The following ZNF385D variants were observed in gnomAD, a reference collection of about 807,000 sequenced individuals.
ZNF385D encodes the protein zinc finger protein 385D, also known as zinc finger protein 659.
In ZNF385D, 15 loss-of-function variants were observed where a neutral mutation model predicts 35.8. That is an observed-to-expected ratio of 0.42 (90% CI 0.28 to 0.64). The LOEUF (loss-of-function observed/expected upper bound fraction) is 0.64, where lower values mean the gene tolerates loss of function less well. Ranked by LOEUF, ZNF385D falls within the 30% of genes least tolerant of loss-of-function variation. ZNF385D has a pLI of 0.23. For synonymous variants in ZNF385D, 212 were observed against 186.8 expected (o/e 1.13, Z -1.10); for missense variants, 474 against 494.6 (o/e 0.96, Z 0.39).
At chr3:21,825,589 G>A (rs1385416566) in intron 3 of ZNF385D, among the ~76,000 whole-genome samples, 2 of 152,074 alleles carry the variant, frequency 1.3e-5, no homozygotes, top group Non-Finnish European at 2.9e-5. Flanking sequence ...CATTTCATTG[G>A]CATTGTCTTT....
chr3:22,258,365 C>T (rs1700422865), intron 2 of ZNF385D, among the ~76,000 whole-genome samples: 2 of 151,742 alleles, frequency 1.3e-5, no homozygotes, highest in South Asian at 2.1e-4. Context: ...ACAGTTTTCT[C>T]AAGGCAGGAT....
In ZNF385D at chr3:21,925,139, T is replaced by C. The variant is rs115158360; in HGVS notation, c.325+243678A>G. 6.4e-3 allele frequency among the ~76,000 whole-genome samples: 975 copies of C among 152,316 alleles called. 9 individuals carry two copies. The highest frequency in any genetic ancestry group is 0.022 in the African/African-American group (919 of 41,562). On this transcript the variant is annotated intron_variant, in intron 3 of 5. Transcript: ENST00000494108. ...AATCTTAGCAAGACTTTTATAGGTA[T>C]ACATACAATTATTTTGAAATATATA...
intron 1 of ZNF385D, among the ~76,000 whole-genome samples, chr3:21,711,136 T>G (rs1040664818): frequency 2.9e-5 from 4 of 138,580 alleles, no homozygotes; most frequent in East Asian, 2.4e-4. Flanking sequence ...CCGCCTCCCG[T>G]GTTCACGCCA....
chr3:22,206,111 T>C (rs1322824195), intron 2 of ZNF385D, among the ~76,000 whole-genome samples: 3 of 151,558 alleles, frequency 2.0e-5, no homozygotes, highest in Non-Finnish European at 4.4e-5. Flanking sequence ...ATGGTAACCA[T>C]AAAAAGGCAG....
chr3:21,961,398 CTTT>C (rs756536059), intron 3 of ZNF385D: 18 of 151,942 alleles, frequency 1.2e-4, no homozygotes, highest in Non-Finnish European at 2.4e-4. Context: ...ATTCTTTTCT[CTTT>C]TTGATTGTCA....
intron 2 of ZNF385D, among the ~76,000 whole-genome samples, chr3:21,606,891 C>T (rs6783237): frequency 0.18 from 26,936 of 151,842 alleles, 3,144 homozygotes; most frequent in African/African-American, 0.34. Context: ...CTGATCAATT[C>T]TGCTGCAAAT....
intron 3 of ZNF385D, among the ~76,000 whole-genome samples, chr3:22,157,455 G>GT (rs925287848): frequency 1.2e-4 from 18 of 151,130 alleles, no homozygotes; most frequent in South Asian, 4.2e-4. Context: ...TCTTTTTGTT[G>GT]TTTTTTTTAA....
intron 3 of ZNF385D, among the ~76,000 whole-genome samples, chr3:21,957,363 G>T (rs1366401818): frequency 6.6e-6 from 1 of 152,122 alleles, no homozygotes; most frequent in East Asian, 1.9e-4. Context: ...GGCAGAGGTT[G>T]GAACAGATTG....
intron 3 of ZNF385D, among the ~76,000 whole-genome samples, chr3:21,785,846 T>C (rs1305531845): frequency 6.6e-6 from 1 of 152,192 alleles, no homozygotes; most frequent in African/African-American, 2.4e-5. Context: ...TTTGACTAAC[T>C]GTACTGAATG....
At chr3:21,749,570 C>T (rs1365371122) in intron 1 of ZNF385D, among the ~76,000 whole-genome samples, 1 of 152,172 alleles carries the variant, frequency 6.6e-6, no homozygotes. Flanking sequence ...AATAAACAAG[C>T]TTACCACCTC....
intron 3 of ZNF385D, among the ~76,000 whole-genome samples, chr3:22,047,654 A>G (rs1374183876): frequency 6.6e-6 from 1 of 152,030 alleles, no homozygotes; most frequent in Admixed American, 6.6e-5. Context: ...TCATTGGTGG[A>G]TATGTAGGTT....
intron 3 of ZNF385D, among the ~76,000 whole-genome samples, chr3:22,074,297 A>G (rs988506343): frequency 1.3e-5 from 2 of 152,016 alleles, no homozygotes; most frequent in Admixed American, 1.3e-4. Flanking sequence ...TGCAGAAATA[A>G]TTAGATACAT....
At chr3:22,266,384 T>G (rs1018707590) in intron 2 of ZNF385D, among the ~76,000 whole-genome samples, 2 of 151,918 alleles carry the variant, frequency 1.3e-5, no homozygotes, top group African/African-American at 4.8e-5. Flanking sequence ...TATTTTGATT[T>G]TAAAAACTAG....
chr3:21,988,430 G>C (rs1481958147), intron 3 of ZNF385D, among the ~76,000 whole-genome samples: 1 of 132,694 alleles, frequency 7.5e-6, no homozygotes, highest in Non-Finnish European at 1.7e-5. Context: ...ACCCTGCCGT[G>C]TGAGGTGTCA....
At chr3:21,727,994 G>C (rs940110936) in intron 1 of ZNF385D, among the ~76,000 whole-genome samples, 1 of 152,066 alleles carries the variant, frequency 6.6e-6, no homozygotes, top group Non-Finnish European at 1.5e-5. Flanking sequence ...CAGGGACATG[G>C]ATGAAGCTGG....
At chr3:21,673,387 A>G (rs1360358956) in intron 1 of ZNF385D, among the ~76,000 whole-genome samples, 7 of 152,170 alleles carry the variant, frequency 4.6e-5, no homozygotes, top group African/African-American at 1.7e-4. Flanking sequence ...ATTGGACATT[A>G]CAGCTCCAGT....
intron 3 of ZNF385D, among the ~76,000 whole-genome samples, chr3:21,815,429 A>G (rs1446473790): frequency 1.3e-5 from 2 of 152,216 alleles, no homozygotes; most frequent in East Asian, 1.9e-4. Flanking sequence ...AAAGTGATAG[A>G]CCACTAGCAA....
At chr3:22,076,667 GA>G (rs1700480951) in intron 3 of ZNF385D, among the ~76,000 whole-genome samples, 1 of 151,918 alleles carries the variant, frequency 6.6e-6, no homozygotes, top group Non-Finnish European at 1.5e-5. Flanking sequence ...ATCTGTCAAA[GA>G]ACATAGTCCA....
intron 4 of ZNF385D, among the ~76,000 whole-genome samples, chr3:21,451,846 A>G (rs1427274740): frequency 6.6e-6 from 1 of 152,236 alleles, no homozygotes; most frequent in Non-Finnish European, 1.5e-5. Context: ...CTAGAATCAT[A>G]TAGCTATTAA....
Sources: gnomAD v4.1 joint callset for allele counts (sites outside exome capture counted in the v4.1 genomes callset) on GRCh38, gnomAD v4.1.1 for gene constraint, MANE v1.5 for transcripts, NCBI Gene and HGNC (gene_info 2026-07-23, HGNC 2026-07-21) for gene names.